The following ZNRF3 variants were observed in gnomAD, a reference collection of about 807,000 sequenced individuals.
ZNRF3 encodes the protein E3 ubiquitin-protein ligase ZNRF3.
ZNRF3 carries 23 observed loss-of-function variants against 72.5 expected under a neutral mutation model. The observed-to-expected ratio is 0.32, with a 90% CI of 0.23 to 0.45. The LOEUF (loss-of-function observed/expected upper bound fraction) is 0.45, where lower values mean the gene tolerates loss of function less well. Among genes scored for constraint, ZNRF3 ranks in the 20% least tolerant of loss-of-function variants. The pLI is 1.00. For synonymous variants in ZNRF3, 610 were observed against 545.3 expected (o/e 1.12, Z -1.65); for missense variants, 1,169 against 1,272.1 (o/e 0.92, Z 1.23).
intron 1 of ZNRF3, among the ~76,000 whole-genome samples, chr22:28,927,392 A>AAAAC (rs368292568): frequency 2.4e-4 from 37 of 152,312 alleles, no homozygotes; most frequent in Non-Finnish European, 3.8e-4. Context: ...TGTCTCTACC[A>AAAAC]AAACAAACAA....
At position 29,050,118 on chromosome 22, in the gene ZNRF3, C is replaced by G; in HGVS notation, c.1937C>G (p.Pro646Arg). 2 of 1,607,070 alleles carry G rather than the reference C, an allele frequency of 1.2e-6. No homozygotes were observed. The highest frequency in any genetic ancestry group is 1.7e-6 in the Non-Finnish European group (2 of 1,179,742). Residue 646 changes from proline (P) to arginine (R), a missense_variant, in exon 8 of 9, where the codon CCT becomes CGT. Pro to Arg is a moderately radical substitution (Grantham distance 103, BLOSUM62 -2). Coordinates refer to ENST00000544604, the MANE Select transcript of ZNRF3 (RefSeq NM_001206998.2). ...AGTCATGGTGCTGGGCGGGGCGAGCCTTGGCCGGGCCCTGCCTCTCCCTCG... is the reference window on the plus strand; with the variant it reads ...AGTCATGGTGCTGGGCGGGGCGAGCGTTGGCCGGGCCCTGCCTCTCCCTCG... ...VHSHGAGRGE[P>R]WPGPASPSGD...
chr22:29,016,161 T>G (rs4823004), intron 2 of ZNRF3, among the ~76,000 whole-genome samples: 2,308 of 152,326 alleles, frequency 0.015, 47 homozygotes, highest in South Asian at 0.057. Context: ...TCATAGTTCA[T>G]GCAGACCTGC....
At chr22:29,015,731 A>G (rs2036419355) in intron 2 of ZNRF3, among the ~76,000 whole-genome samples, 1 of 151,642 alleles carries the variant, frequency 6.6e-6, no homozygotes, top group South Asian at 2.1e-4. Flanking sequence ...TAGGAAGGGA[A>G]GGACAGCTGG....
At chr22:29,031,804 C>T (rs2036764028) in intron 2 of ZNRF3, among the ~76,000 whole-genome samples, 1 of 152,202 alleles carries the variant, frequency 6.6e-6, no homozygotes, top group Non-Finnish European at 1.5e-5. Context: ...CGCCCTTTTC[C>T]CCTCCCTGAC....
intron 1 of ZNRF3, among the ~76,000 whole-genome samples, chr22:28,977,762 T>G (rs2035701136): frequency 6.6e-6 from 1 of 152,238 alleles, no homozygotes; most frequent in Non-Finnish European, 1.5e-5. Flanking sequence ...TTTTAAACTC[T>G]CAGCCTAGTG....
rs1329738361 is a variant in ZNRF3, at chr22:29,030,779, G to A, written c.427-11716G>A. On this transcript the variant is annotated intron_variant, in intron 2 of 8. Coordinates refer to ENST00000544604, the MANE Select transcript of ZNRF3 (RefSeq NM_001206998.2). This position sits in a 1 kb window ranked among gnomAD's most constrained non-coding sequence, Gnocchi z 4.2. Reference sequence around the variant, plus strand: ...GGGACCCTGCAGGGCGGTACACGACGGGTGGGAGTGGGGAGGAGGAGGGCT... The same window carrying A: ...GGGACCCTGCAGGGCGGTACACGACAGGTGGGAGTGGGGAGGAGGAGGGCT... 6.6e-6 allele frequency among the ~76,000 whole-genome samples: 1 copy of A among 152,080 alleles called. No homozygotes were observed. Among genetic ancestry groups the A allele is most frequent in the African/African-American group, 2.4e-5 (1 of 41,410 alleles).
rs397976678 is a variant in ZNRF3 at position 29,039,784 on chromosome 22, CAAAAAA to C, written c.427-2691_427-2686del. On this transcript the variant is annotated intron_variant, in intron 2 of 8. Transcript: ENST00000544604. ...CAACATAGTGAGACCTCGTCTCTAC[CAAAAAA>C]AAAAAAAAAAAAAAAAAAATTAGCC... is the stretch of plus-strand genomic sequence containing the variant. Among the ~76,000 whole-genome samples the C allele has an allele frequency of 5.8e-3, 491 of 85,316 alleles. 6 individuals are homozygous for C. Among genetic ancestry groups the C allele is most frequent in the East Asian group, 0.056 (174 of 3,106 alleles). 56.0% of individuals were successfully genotyped at this position (85,316 alleles called of 152,430 possible).
intron 8 of ZNRF3, among the ~76,000 whole-genome samples, chr22:29,052,095 T>C (rs2037217950): frequency 6.6e-6 from 1 of 152,198 alleles, no homozygotes; most frequent in Non-Finnish European, 1.5e-5. Flanking sequence ...GACATCAGAT[T>C]GCTACAAGAT....
At chr22:28,902,467 C>T (rs1407625348) in intron 1 of ZNRF3, among the ~76,000 whole-genome samples, 1 of 152,012 alleles carries the variant, frequency 6.6e-6, no homozygotes. Flanking sequence ...GCTACGAACT[C>T]CCTGTCCTGC....
chr22:29,038,764 C>G (rs2123878323), intron 2 of ZNRF3, among the ~76,000 whole-genome samples: 1 of 152,168 alleles, frequency 6.6e-6, no homozygotes, highest in African/African-American at 2.4e-5. Flanking sequence ...AGCTTGGCTC[C>G]CCTCCTGTCC....
chr22:28,920,427 C>T (rs11913224), intron 1 of ZNRF3, among the ~76,000 whole-genome samples: 4,621 of 151,118 alleles, frequency 0.031, 254 homozygotes, highest in African/African-American at 0.11. Context: ...CCCACCACCA[C>T]GCCCAGCTAA....
At position 29,049,295 on chromosome 22, in the gene ZNRF3, G is replaced by A. The variant is rs1435666894; in HGVS notation, c.1114G>A (p.Val372Met). 4 of 1,613,878 alleles carry A rather than the reference G, an allele frequency of 2.5e-6. No individual in the cohort carries two copies. Among genetic ancestry groups the A allele is most frequent in the Admixed American group, 1.7e-5 (1 of 60,004 alleles). ...VTLPVHYPGRVHRTNAIPAYP... is the reference protein window; with the variant it reads ...VTLPVHYPGRMHRTNAIPAYP... Reference sequence around the variant, plus strand: ...CCTGCCGGTGCATTACCCCGGCCGCGTGCACAGGACCAACGCCATCCCAGC... The same window carrying A: ...CCTGCCGGTGCATTACCCCGGCCGCATGCACAGGACCAACGCCATCCCAGC... The change falls in exon 8 of 9, where the codon GTG becomes ATG. Residue 372 changes from valine (V) to methionine (M), a missense_variant. By Grantham distance (21) the Val-to-Met change is conservative (BLOSUM62 1). This residue lies in a region of ZNRF3 where 386 missense variants were observed against 540.7 expected (regional missense o/e 0.71). Transcript: ENST00000544604. The surrounding 1 kb of genome is among the most constrained non-coding windows in gnomAD (Gnocchi z 5.2).
At chr22:28,925,866 G>A (rs1401356639) in intron 1 of ZNRF3, among the ~76,000 whole-genome samples, 1 of 152,132 alleles carries the variant, frequency 6.6e-6, no homozygotes, top group Non-Finnish European at 1.5e-5. Flanking sequence ...GGATGTGACA[G>A]AGTATGTAAG....
intron 1 of ZNRF3, among the ~76,000 whole-genome samples, chr22:28,937,582 G>T (rs2034863756): frequency 6.6e-6 from 1 of 152,128 alleles, no homozygotes; most frequent in Non-Finnish European, 1.5e-5. Flanking sequence ...AGAATCATCT[G>T]CCCCACCTCT....
At chr22:28,886,029 C>T (rs1035900884) in intron 1 of ZNRF3, among the ~76,000 whole-genome samples, 6 of 151,962 alleles carry the variant, frequency 3.9e-5, no homozygotes, top group African/African-American at 1.5e-4. Context: ...CCTTAATTCC[C>T]TTATAGCTGC....
chr22:28,918,303 C>G (rs775888327), intron 1 of ZNRF3, among the ~76,000 whole-genome samples: 3 of 152,160 alleles, frequency 2.0e-5, no homozygotes, highest in African/African-American at 4.8e-5. Context: ...TTAGGAGAAG[C>G]GGTGAAGGGT....
In ZNRF3 at chr22:29,030,485, C is replaced by G. The variant is rs1046020270; in HGVS notation, c.427-12010C>G. 6.6e-6 allele frequency among the ~76,000 whole-genome samples: 1 copy of G among 152,230 alleles called. No homozygotes were observed. Among genetic ancestry groups the G allele is most frequent in the African/African-American group, 2.4e-5 (1 of 41,456 alleles). On this transcript the variant is annotated intron_variant, in intron 2 of 8. Coordinates refer to ENST00000544604, the MANE Select transcript of ZNRF3 (RefSeq NM_001206998.2). This position sits in a 1 kb window ranked among gnomAD's most constrained non-coding sequence, Gnocchi z 4.2. ...GCTGCTACATGTCTCCTAAATAGAT[C>G]AGCATAATCTTAACTAGGACTTAAA...
chr22:29,050,829 A>G lies in ZNRF3; in HGVS notation c.2648A>G (p.Gln883Arg). The change falls in exon 8 of 9, where the codon CAG becomes CGG. Residue 883 changes from glutamine (Q) to arginine (R), a missense_variant. By Grantham distance (43) the Gln-to-Arg change is conservative (BLOSUM62 1). Transcript: ENST00000544604. ...TREEERALCC[Q>R]ARALLRPGCP... ...GAAGAGGAGCGGGCTCTGTGCTGCC[A>G]GGCTAGGGCCCTACTGCGGCCTGGC... 1 of 1,607,322 alleles carries G rather than the reference A, an allele frequency of 6.2e-7. No homozygotes were observed. The highest frequency in any genetic ancestry group is 8.5e-7 in the Non-Finnish European group (1 of 1,178,504).
At chr22:28,907,036 G>A (rs1278608019) in intron 1 of ZNRF3, among the ~76,000 whole-genome samples, 1 of 149,298 alleles carries the variant, frequency 6.7e-6, no homozygotes, top group Non-Finnish European at 1.5e-5. Context: ...AGGCTGGAGT[G>A]CAGGGGCACC....
Sources: gnomAD v4.1 joint callset for allele counts (sites outside exome capture counted in the v4.1 genomes callset) on GRCh38, gnomAD v4.1.1 for gene constraint, gnomAD v4.1.1 regional missense constraint, Gnocchi (gnomAD v3.1) non-coding constraint, MANE v1.5 for transcripts, NCBI Gene and HGNC (gene_info 2026-07-23, HGNC 2026-07-21) for gene names.